Variants in MPP7 observed in about 807,000 individuals in gnomAD.
MPP7 encodes the protein MAGUK p55 scaffold protein 7.
MPP7 carries 60 observed loss-of-function variants against 76.5 expected under a neutral mutation model. The ratio of observed to expected loss-of-function variants is 0.78; its 90% CI spans 0.64 to 0.97. The LOEUF (loss-of-function observed/expected upper bound fraction) is 0.97. MPP7 is among the 50% of genes least tolerant of loss of function. The probability of loss-of-function intolerance (pLI) is 0.00; values close to 1 mark genes in which losing one functional copy is unlikely to be tolerated. For synonymous variants in MPP7, 237 were observed against 244.5 expected (o/e 0.97, Z 0.29); for missense variants, 641 against 694.0 (o/e 0.92, Z 0.86).
At chr10:28,184,529 T>C (rs1837165326) in intron 3 of MPP7, among the ~76,000 whole-genome samples, 1 of 149,228 alleles carries the variant, frequency 6.7e-6, no homozygotes, top group African/African-American at 2.4e-5. Context: ...GCCAACATGG[T>C]GAAACTCTGT....
chr10:28,158,005 C>T (rs1278467318), intron 3 of MPP7, among the ~76,000 whole-genome samples: 1 of 152,164 alleles, frequency 6.6e-6, no homozygotes, highest in Admixed American at 6.5e-5. Context: ...ACCACCAGAT[C>T]CCTTGCTCAT....
At chr10:28,258,142 T>A (rs1839843928) in intron 1 of MPP7, among the ~76,000 whole-genome samples, 1 of 151,710 alleles carries the variant, frequency 6.6e-6, no homozygotes, top group Non-Finnish European at 1.5e-5. Context: ...CCATCCCAGA[T>A]TCTATAAGAA....
At chr10:28,066,528 CTACAGTT>C (rs1365466348) in intron 13 of MPP7, among the ~76,000 whole-genome samples, 1 of 152,120 alleles carries the variant, frequency 6.6e-6, no homozygotes, top group Non-Finnish European at 1.5e-5. Context: ...AATCAGCAAA[CTACAGTT>C]AAACTATTAT....
intron 2 of MPP7, among the ~76,000 whole-genome samples, chr10:28,212,397 T>C (rs1247581421): frequency 1.3e-5 from 2 of 152,184 alleles, no homozygotes; most frequent in African/African-American, 2.4e-5. Context: ...CCAACAGTTT[T>C]TGAAGTTGCC....
At chr10:28,305,525 A>G (rs915207), upstream of MPP7, 43,919 of 152,078 alleles carry the variant, frequency 0.29, 7,066 homozygotes, top group Middle Eastern at 0.43. Flanking sequence ...AGACTGGTGG[A>G]TCTATAGAGA....
chr10:28,275,616 AG>A (rs1473369716), intron 1 of MPP7, among the ~76,000 whole-genome samples: 1 of 152,090 alleles, frequency 6.6e-6, no homozygotes, highest in African/African-American at 2.4e-5. Context: ...AGTGTTGGCC[AG>A]GCTGGTCTCA....
At chr10:28,238,446 T>C in intron 2 of MPP7, 122 bp downstream of exon 2, 2 of 1,004,904 alleles carry the variant, frequency 2.0e-6, no homozygotes, top group Non-Finnish European at 3.0e-6. Context: ...CTTATGTCCC[T>C]AGTGTTGGTG....
chr10:28,201,869 TAA>T (rs1180364664), intron 3 of MPP7, among the ~76,000 whole-genome samples: 2 of 152,222 alleles, frequency 1.3e-5, no homozygotes, highest in African/African-American at 4.8e-5. Context: ...ATGTTGACCG[TAA>T]AAGAGTCTAA....
intron 3 of MPP7, among the ~76,000 whole-genome samples, chr10:28,169,423 G>A (rs149358160): frequency 1.6e-4 from 25 of 152,162 alleles, no homozygotes; most frequent in South Asian, 4.2e-4. Context: ...GGCTGATGTC[G>A]GAGGTTCTCT....
chr10:28,216,995 A>G (rs1588938697), intron 2 of MPP7, among the ~76,000 whole-genome samples: 1 of 152,140 alleles, frequency 6.6e-6, no homozygotes, highest in Non-Finnish European at 1.5e-5. Flanking sequence ...TGAGCCTTTT[A>G]ACATTAATTC....
At chr10:28,330,783 T>A (rs954038779) in intron 1 of MPP7, among the ~76,000 whole-genome samples, 3 of 152,146 alleles carry the variant, frequency 2.0e-5, no homozygotes, top group African/African-American at 7.2e-5. Context: ...GCCTCCCAAG[T>A]AGCTGGGACT....
intron 11 of MPP7, among the ~76,000 whole-genome samples, chr10:28,103,783 T>C (rs1053515985): frequency 6.6e-6 from 1 of 152,006 alleles, no homozygotes; most frequent in East Asian, 1.9e-4. Context: ...ATAAGAAAGT[T>C]ATATGCTACA....
intron 12 of MPP7, among the ~76,000 whole-genome samples, chr10:28,082,615 C>T (rs1445156659): frequency 1.3e-5 from 2 of 152,108 alleles, no homozygotes; most frequent in Non-Finnish European, 2.9e-5. Context: ...CACCACCTTG[C>T]CTGGCTAATT....
intron 3 of MPP7, among the ~76,000 whole-genome samples, chr10:28,162,604 C>T (rs1051412986): frequency 1.3e-5 from 2 of 152,166 alleles, no homozygotes; most frequent in Non-Finnish European, 2.9e-5. Context: ...GTTATTAATT[C>T]GTTGTTCAAT....
At chr10:28,204,722 A>G (rs1837892582) in intron 2 of MPP7, among the ~76,000 whole-genome samples, 1 of 152,226 alleles carries the variant, frequency 6.6e-6, no homozygotes, top group South Asian at 2.1e-4. Context: ...AATTCTATAG[A>G]GCAATTCATA....
chr10:28,121,266 CTTT>C (rs11327373), intron 8 of MPP7, among the ~76,000 whole-genome samples: 1 of 136,708 alleles, frequency 7.3e-6, no homozygotes, highest in Non-Finnish European at 1.6e-5. Context: ...GAGCAAGAAG[CTTT>C]TTTTTTTTTT....
chr10:28,193,305 C>A (rs113017643), intron 3 of MPP7, among the ~76,000 whole-genome samples: 3,500 of 151,484 alleles, frequency 0.023, 136 homozygotes, highest in African/African-American at 0.08. Context: ...CTCTGCCTCT[C>A]GGGTTCAGAC....
chr10:28,234,819 TG>T (rs1164187625), intron 2 of MPP7, among the ~76,000 whole-genome samples: 3 of 152,022 alleles, frequency 2.0e-5, no homozygotes, highest in South Asian at 2.1e-4. Context: ...TTTGTTGTTT[TG>T]TTTTTTTTGA....
intron 11 of MPP7, among the ~76,000 whole-genome samples, chr10:28,100,563 T>C (rs1037849376): frequency 1.3e-5 from 2 of 152,150 alleles, no homozygotes; most frequent in African/African-American, 4.8e-5. Flanking sequence ...TATTAGCCAA[T>C]TATACACATG....
Sources: gnomAD v4.1 joint callset for allele counts (sites outside exome capture counted in the v4.1 genomes callset) on GRCh38, gnomAD v4.1.1 for gene constraint, MANE v1.5 for transcripts, NCBI Gene and HGNC (gene_info 2026-07-23, HGNC 2026-07-21) for gene names.